The following DGUOK variants were observed in gnomAD, a reference collection of about 807,000 sequenced individuals.
DGUOK encodes deoxyguanosine kinase, mitochondrial.
Under a neutral mutation model 36.6 loss-of-function variants are expected in DGUOK, and 30 were observed. The observed-to-expected ratio is 0.82, with a 90% CI of 0.61 to 1.11. The LOEUF is 1.11. Ranked by LOEUF, DGUOK falls within the 50% of genes most tolerant of loss-of-function variation. The pLI, the probability that DGUOK is intolerant of heterozygous loss-of-function variation, is 0.00. For missense variants in DGUOK, 361 were observed against 336.4 expected (o/e 1.07, Z -0.57); for synonymous variants, 145 against 126.3 (o/e 1.15, Z -0.99).
In DGUOK at chr2:73,939,694, C is replaced by T. The variant is rs534534289; in HGVS notation, c.255+672C>T. ...CTCAGGCACCATGAACTGCTCCTGC[C>T]GCCACCTGGGATATTCACTGAGTGG... On this transcript the variant is annotated intron_variant, in intron 2 of 6. Transcript: ENST00000264093. Among the ~76,000 whole-genome samples, 30 of 152,326 alleles carry T rather than the reference C, an allele frequency of 2.0e-4. 1 individual carries two copies. The highest frequency in any genetic ancestry group is 1.5e-3 in the East Asian group (8 of 5,190).
At chr2:73,946,620 A>T in intron 2 of DGUOK, 99 bp from the exon 3 acceptor site, 1 of 1,093,340 alleles carries the variant, frequency 9.1e-7, no homozygotes, top group Non-Finnish European at 1.4e-6. Context: ...ATTGATTATT[A>T]AACCTGTTTG....
intron 5 of DGUOK, 125 bp from the exon 6 acceptor site, chr2:73,958,021 C>T: frequency 1.4e-6 from 1 of 736,134 alleles, no homozygotes; most frequent in Non-Finnish European, 2.4e-6. Flanking sequence ...AGTTTACATG[C>T]AGTTTCTTTG....
At chr2:73,946,102 GC>G (rs1219763329) in intron 2 of DGUOK, among the ~76,000 whole-genome samples, 2 of 150,854 alleles carry the variant, frequency 1.3e-5, no homozygotes, top group Admixed American at 6.6e-5. Flanking sequence ...CCACACTTGT[GC>G]CCACTTGCAC....
rs1244166848 is a variant in DGUOK at position 73,946,725 on chromosome 2, A to G, written c.262A>G (p.Thr88Ala). 1 of 1,613,994 alleles carries G rather than the reference A, an allele frequency of 6.2e-7. No homozygotes were observed. Among genetic ancestry groups the G allele is most frequent in the African/African-American group, 1.3e-5 (1 of 74,906 alleles). The part of the protein sequence containing the change: ...IQAAGTQKAC[T>A]AQSLGNLLDM... ...TTTTTTCATCTCCCTCTAGGCCTGC[A>G]CTGCCCAAAGTCTTGGAAACTTGCT... is the stretch of plus-strand genomic sequence containing the variant. Residue 88 changes from threonine to alanine, a missense_variant, in exon 3 of 7, where the codon ACT becomes GCT. Thr to Ala is a moderately conservative substitution (Grantham distance 58, BLOSUM62 0). Coordinates refer to ENST00000264093, the MANE Select transcript of DGUOK (RefSeq NM_080916.3).
intron 3 of DGUOK, among the ~76,000 whole-genome samples, chr2:73,948,195 T>G (rs2104951111): frequency 6.6e-6 from 1 of 152,338 alleles, no homozygotes; most frequent in Admixed American, 6.5e-5. Flanking sequence ...CCTCTCGGAC[T>G]CCGAAGTTGA....
At position 73,946,752 on chromosome 2, in the gene DGUOK, G is replaced by T. The variant is rs1682346920; in HGVS notation, c.289G>T (p.Asp97Tyr). ...TGCCCAAAGTCTTGGAAACTTGCTG[G>T]ATATGATGTACCGGGAGCCAGCACG... ...CTAQSLGNLL[D>Y]MMYREPARWS... Residue 97 changes from aspartate to tyrosine, a missense_variant, in exon 3 of 7, where the codon GAT becomes TAT. Coordinates refer to ENST00000264093, the MANE Select transcript of DGUOK (RefSeq NM_080916.3). 3 of 1,614,080 alleles carry T rather than the reference G, an allele frequency of 1.9e-6. No homozygotes were observed. The highest frequency in any genetic ancestry group is 4.5e-5 in the East Asian group (2 of 44,882).
At chr2:73,957,346 T>C in intron 5 of DGUOK, 106 bp downstream of exon 5, 1 of 829,082 alleles carries the variant, frequency 1.2e-6, no homozygotes, top group Non-Finnish European at 2.0e-6. Context: ...GTTCAGAATA[T>C]ACTGGAAATG....
Position 73,949,205 on chromosome 2 carries a change from G to A in DGUOK, c.444-1380G>A, listed in dbSNP as rs188533575. Among the ~76,000 whole-genome samples the A allele has an allele frequency of 7.9e-5, 12 of 152,316 alleles. No homozygotes were observed. In the East Asian group the frequency reaches 2.3e-3, roughly 29 times the overall value. On this transcript the variant is annotated intron_variant, in intron 3 of 6. Transcript: ENST00000264093. ...GGCCTCAGGTGATCCGTCCGCCTCAGCCTCCAAAAGTGCTGGGATTACAGG... is the reference window on the plus strand; with the variant it reads ...GGCCTCAGGTGATCCGTCCGCCTCAACCTCCAAAAGTGCTGGGATTACAGG...
chr2:73,926,994 C>T lies in DGUOK; in HGVS notation c.84C>T (p.Ser28=). The change falls in exon 1 of 7, where the codon TCC becomes TCT. Residue 28 remains serine, a synonymous_variant. Transcript: ENST00000264093. ...MAKSPLEGVS[S]SRGLHAGRGP... is the part of the protein sequence containing the mutation. ...AGAGCCCACTCGAGGGCGTTTCCTCCTCCAGAGGCCTGCACGCGGGGCGCG... is the reference window on the plus strand; with the variant it reads ...AGAGCCCACTCGAGGGCGTTTCCTCTTCCAGAGGCCTGCACGCGGGGCGCG... 2 of 1,612,202 alleles carry T rather than the reference C, an allele frequency of 1.2e-6. No homozygotes were observed. The highest frequency in any genetic ancestry group is 1.7e-6 in the Non-Finnish European group (2 of 1,180,036).
chr2:73,934,792 G>C (rs1204223937), intron 1 of DGUOK, among the ~76,000 whole-genome samples: 1 of 150,244 alleles, frequency 6.7e-6, no homozygotes, highest in Admixed American at 6.7e-5. Flanking sequence ...AACAGCAGTG[G>C]CCCGGCGCAG....
At chr2:73,942,047 T>C (rs1483580693) in intron 2 of DGUOK, among the ~76,000 whole-genome samples, 1 of 151,958 alleles carries the variant, frequency 6.6e-6, no homozygotes, top group Non-Finnish European at 1.5e-5. Context: ...GTAGCTGGGA[T>C]TACAGGTGCC....
At chr2:73,932,612 C>A (rs867600850) in intron 1 of DGUOK, 1 of 1,298,258 alleles carries the variant, frequency 7.7e-7, no homozygotes, top group East Asian at 5.2e-5. Flanking sequence ...CATCCTCAAG[C>A]AAATCAGAAT....
intron 1 of DGUOK, among the ~76,000 whole-genome samples, chr2:73,937,490 G>A (rs1246071035): frequency 2.0e-5 from 3 of 152,254 alleles, no homozygotes; most frequent in African/African-American, 7.2e-5. Context: ...TGGGAATGGA[G>A]AGAAAAGGAC....
chr2:73,955,748 C>T (rs1483184026), intron 4 of DGUOK, among the ~76,000 whole-genome samples: 1 of 152,142 alleles, frequency 6.6e-6, no homozygotes, highest in African/African-American at 2.4e-5. Flanking sequence ...GTGGCTCCCG[C>T]CTGTAGTCCC....
intron 2 of DGUOK, among the ~76,000 whole-genome samples, chr2:73,945,455 G>A (rs992349224): frequency 1.3e-5 from 2 of 152,082 alleles, no homozygotes; most frequent in African/African-American, 2.4e-5. Flanking sequence ...ACATTTACTC[G>A]CCATGAAACC....
chr2:73,948,562 C>CA (rs1337587973), intron 3 of DGUOK, among the ~76,000 whole-genome samples: 1 of 152,210 alleles, frequency 6.6e-6, no homozygotes, highest in Non-Finnish European at 1.5e-5. Context: ...CCTGGGGCTG[C>CA]AGCAGTGAAT....
intron 1 of DGUOK, among the ~76,000 whole-genome samples, chr2:73,931,499 G>A (rs1681033907): frequency 6.6e-6 from 1 of 152,224 alleles, no homozygotes; most frequent in Non-Finnish European, 1.5e-5. Context: ...GAAGGGACCT[G>A]TGAAAGGGTG....
At chr2:73,953,101 TC>T (rs1400340191) in intron 4 of DGUOK, among the ~76,000 whole-genome samples, 2 of 152,094 alleles carry the variant, frequency 1.3e-5, no homozygotes, top group Non-Finnish European at 2.9e-5. Flanking sequence ...GAGTGAGAAC[TC>T]ATTCCGGCGA....
rs533407995 is a variant in DGUOK, at chr2:73,948,288, TC to T, written c.443+1383del. On this transcript the variant is annotated intron_variant, in intron 3 of 6. Coordinates refer to ENST00000264093, the MANE Select transcript of DGUOK (RefSeq NM_080916.3). ...TTCATGAAGTAGGTGTGTGAGACCCTCAGAGGAAAATAGAGAAGTAGAAACA... is the reference window on the plus strand; with the variant it reads ...TTCATGAAGTAGGTGTGTGAGACCCTAGAGGAAAATAGAGAAGTAGAAACA... Among the ~76,000 whole-genome samples the T allele has an allele frequency of 4.9e-4, 74 of 152,296 alleles. 1 individual carries two copies. In the South Asian group the frequency reaches 8.7e-3, roughly 18 times the overall value.
Sources: gnomAD v4.1 joint callset for allele counts (sites outside exome capture counted in the v4.1 genomes callset) on GRCh38, gnomAD v4.1.1 for gene constraint, MANE v1.5 for transcripts, NCBI Gene and HGNC (gene_info 2026-07-23, HGNC 2026-07-21) for gene names.